PPP1R16A: variants seen among roughly 807,000 people sequenced by gnomAD.
PPP1R16A encodes myosin phosphatase-targeting subunit 3.
PPP1R16A carries 39 observed loss-of-function variants against 46.6 expected under a neutral mutation model. That is an observed-to-expected ratio of 0.84 (90% confidence interval 0.65 to 1.09). PPP1R16A has a LOEUF of 1.09. Among genes scored for constraint, PPP1R16A ranks in the 50% least tolerant of loss-of-function variants. The pLI is 0.00. For synonymous variants in PPP1R16A, 413 were observed against 321.5 expected (o/e 1.28, Z -3.04); for missense variants, 798 against 735.6 (o/e 1.08, Z -0.98).
chr8:144,480,705 C>T (rs1017809847), intron 1 of PPP1R16A, among the ~76,000 whole-genome samples: 1 of 152,096 alleles, frequency 6.6e-6, no homozygotes, highest in East Asian at 1.9e-4. Flanking sequence ...AGAATGGTCT[C>T]GAACTCCTGA....
intron 1 of PPP1R16A, among the ~76,000 whole-genome samples, chr8:144,480,490 C>CTTT (rs751435629): frequency 7.0e-6 from 1 of 143,536 alleles, no homozygotes; most frequent in Non-Finnish European, 1.5e-5. Flanking sequence ...ATTTTTATAT[C>CTTT]TTTTTTTTTT....
At chr8:144,484,016 C>T (rs1218222877) in intron 1 of PPP1R16A, among the ~76,000 whole-genome samples, 2 of 152,244 alleles carry the variant, frequency 1.3e-5, no homozygotes, top group East Asian at 1.9e-4. Context: ...GTCCCAGGCT[C>T]ACAGGCATCT....
rs887638056 is a variant in PPP1R16A at position 144,501,822 on chromosome 8, C to T, written c.1506C>T (p.Gly502=). 25 of 1,551,620 alleles carry T rather than the reference C, an allele frequency of 1.6e-5. No individual in the cohort carries two copies. The highest frequency in any genetic ancestry group is 1.2e-4 in the East Asian group (5 of 41,180). The change falls in exon 12 of 12, where the codon GGC becomes GGT. Residue 502 remains glycine (G), a synonymous_variant. Coordinates refer to ENST00000435887, the MANE Select transcript of PPP1R16A (RefSeq NM_001329443.2). ...AGCCTGACTGTGGCTTCAGGGCAGG[C>T]GGGGACCCACCCCTGCTCAAGCTCA... ...TPQPDCGFRA[G]GDPPLLKLTA... is the part of the protein sequence containing the mutation.
At chr8:144,481,515 A>G (rs1340790653) in intron 1 of PPP1R16A, among the ~76,000 whole-genome samples, 1 of 151,790 alleles carries the variant, frequency 6.6e-6, no homozygotes, top group Non-Finnish European at 1.5e-5. Flanking sequence ...ATGGTGGCGC[A>G]TGCCTGTAAT....
intron 3 of PPP1R16A, chr8:144,497,987 C>T (rs777410270): frequency 2.0e-5 from 9 of 453,824 alleles, no homozygotes; most frequent in South Asian, 7.8e-5. Flanking sequence ...CTGTGCCCCA[C>T]GCTTGCAGCC....
Position 144,501,985 on chromosome 8 carries a change from G to A in PPP1R16A, c.*82G>A. 4 of 1,366,910 alleles carry A rather than the reference G, an allele frequency of 2.9e-6. No homozygotes were observed. The highest frequency in any genetic ancestry group is 3.9e-6 in the Non-Finnish European group (4 of 1,035,890). The allele number at this position is 1,366,910 out of a possible 1,614,324, so 84.7% of individuals were successfully genotyped here. ...CACGGTGCGTGCCCTGGTGCTGCGG[G>A]TGCAGCACGGAAACCCCGGCTTCTA... On this transcript the variant is annotated 3_prime_UTR_variant, in exon 12 of 12. Transcript: ENST00000435887.
chr8:144,480,026 A>G (rs1825340289), intron 1 of PPP1R16A, among the ~76,000 whole-genome samples: 1 of 152,222 alleles, frequency 6.6e-6, no homozygotes, highest in South Asian at 2.1e-4. Context: ...AACAAACAGT[A>G]ACTGGCATGT....
At chr8:144,491,231 A>G (rs1206231414) in intron 2 of PPP1R16A, among the ~76,000 whole-genome samples, 1 of 152,198 alleles carries the variant, frequency 6.6e-6, no homozygotes, top group Non-Finnish European at 1.5e-5. Context: ...TATTCTACAG[A>G]ATGGCTACAC....
chr8:144,483,511 G>A (rs1192300979), intron 1 of PPP1R16A, among the ~76,000 whole-genome samples: 3 of 152,164 alleles, frequency 2.0e-5, no homozygotes, highest in African/African-American at 7.2e-5. Flanking sequence ...CTGGATTCAA[G>A]TGATTCTCGT....
chr8:144,487,046 G>C (rs1825648777), intron 1 of PPP1R16A, among the ~76,000 whole-genome samples: 1 of 152,076 alleles, frequency 6.6e-6, no homozygotes, highest in Admixed American at 6.5e-5. Flanking sequence ...GGAGTGCAGT[G>C]GTGTGATCTC....
chr8:144,499,683 C>A (rs1052703990), intron 5 of PPP1R16A: 6 of 217,678 alleles, frequency 2.8e-5, no homozygotes, highest in Non-Finnish European at 5.5e-5. Context: ...ACAGACACCC[C>A]CTTCTGTGTT....
At position 144,500,574 on chromosome 8, in the gene PPP1R16A, G is replaced by A. The variant is rs779029770; in HGVS notation, c.793G>A (p.Gly265Ser). ...CAGCCTGAGCGCTAAGGACCAAGAC[G>A]GCTGGGAGCCGCTGCACGCCGCGGC... ...RASLSAKDQD[G>S]WEPLHAAAYW... is the part of the protein sequence containing the mutation. Residue 265 changes from glycine to serine, a missense_variant, in exon 8 of 12, where the codon GGC becomes AGC. Gly to Ser is a moderately conservative substitution (Grantham distance 56). Coordinates refer to ENST00000435887, the MANE Select transcript of PPP1R16A (RefSeq NM_001329443.2). 2 of 1,598,490 alleles carry A rather than the reference G, an allele frequency of 1.3e-6. No homozygotes were observed. Among genetic ancestry groups the A allele is most frequent in the Admixed American group, 1.7e-5 (1 of 59,888 alleles).
intron 5 of PPP1R16A, chr8:144,499,770 G>C (rs1254426225): frequency 6.3e-6 from 2 of 316,206 alleles, no homozygotes; most frequent in South Asian, 8.4e-5. Context: ...GTGGCTGCCT[G>C]GTCCTGCACC....
chr8:144,485,088 G>C (rs1253145918), intron 1 of PPP1R16A, among the ~76,000 whole-genome samples: 2 of 151,860 alleles, frequency 1.3e-5, no homozygotes, highest in Non-Finnish European at 2.9e-5. Context: ...ACCAGAGTGT[G>C]AGTAGGAGTC....
intron 1 of PPP1R16A, among the ~76,000 whole-genome samples, chr8:144,488,941 C>T (rs1395534301): frequency 6.6e-6 from 1 of 151,632 alleles, no homozygotes; most frequent in African/African-American, 2.4e-5. Context: ...CAGTGGCTCA[C>T]CCCTGTAATC....
At chr8:144,481,677 A>T (rs770814886) in intron 1 of PPP1R16A, among the ~76,000 whole-genome samples, 4 of 152,250 alleles carry the variant, frequency 2.6e-5, no homozygotes, top group Admixed American at 1.3e-4. Context: ...CAATGGAATC[A>T]TATGGAATGA....
intron 5 of PPP1R16A, chr8:144,499,314 CCA>C (rs1826274717): frequency 1.8e-6 from 1 of 543,912 alleles, no homozygotes; most frequent in East Asian, 3.0e-5. Context: ...GGGCCCCCCC[CCA>C]GAGTGTGCAC....
At position 144,497,342 on chromosome 8, in the gene PPP1R16A, C is replaced by T; in HGVS notation, c.148C>T (p.Pro50Ser). Residue 50 changes from proline (P) to serine (S), a missense_variant, in exon 3 of 12, where the codon CCT becomes TCT. Transcript: ENST00000435887. Reference protein sequence around the residue: ...AEKEAQGKKGPGERPRKEAAS... With the variant: ...AEKEAQGKKGSGERPRKEAAS... ...GAAGGAGGCCCAGGGCAAGAAGGGTCCTGGGGAGCGTCCCCGGAAGGAGGC... is the reference window on the plus strand; with the variant it reads ...GAAGGAGGCCCAGGGCAAGAAGGGTTCTGGGGAGCGTCCCCGGAAGGAGGC... 6.2e-7 allele frequency: 1 copy of T among 1,612,644 alleles called. No individual in the cohort carries two copies. The highest frequency in any genetic ancestry group is 8.5e-7 in the Non-Finnish European group (1 of 1,179,784).
chr8:144,489,890 C>T (rs1290572578), intron 1 of PPP1R16A, 144 bp from the exon 2 acceptor site: 2 of 152,356 alleles, frequency 1.3e-5, no homozygotes, highest in Non-Finnish European at 1.5e-5. Flanking sequence ...TCAGAGTGGA[C>T]CCTGTGAGCC....
Sources: allele counts gnomAD v4.1 joint callset (sites outside exome capture counted in the v4.1 genomes callset), GRCh38; gene constraint gnomAD v4.1.1; transcripts MANE v1.5; gene names NCBI Gene and HGNC (gene_info 2026-07-23, HGNC 2026-07-21).